The following SEMA3E variants were observed in gnomAD, a reference collection of about 807,000 sequenced individuals.
SEMA3E encodes semaphorin 3E.
A neutral mutation model predicts 93.6 loss-of-function variants in SEMA3E; 49 were observed. The ratio of observed to expected loss-of-function variants is 0.52; its 90% CI spans 0.42 to 0.66. The LOEUF (loss-of-function observed/expected upper bound fraction) is 0.66, where lower values mean the gene tolerates loss of function less well. SEMA3E is among the 30% of genes least tolerant of loss of function. The pLI, the probability that SEMA3E is intolerant of heterozygous loss-of-function variation, is 0.00. For synonymous variants in SEMA3E, 363 were observed against 330.7 expected, an observed-to-expected ratio of 1.10 and a Z score of -1.06; for missense variants, 906 against 964.8, an observed-to-expected ratio of 0.94 and a Z score of 0.81.
At chr7:83,413,126 CT>C (rs572271089) in intron 5 of SEMA3E, among the ~76,000 whole-genome samples, 1 of 151,850 alleles carries the variant, frequency 6.6e-6, no homozygotes, top group Admixed American at 6.6e-5. Flanking sequence ...TATATAACTC[CT>C]TTTTTTTACA....
rs1476133866 is a variant in SEMA3E at position 83,394,352 on chromosome 7, A to C, written c.1459-14T>G. The C allele has an allele frequency of 6.2e-7, 1 of 1,609,498 alleles. No homozygotes were observed. Among genetic ancestry groups the C allele is most frequent in the African/African-American group, 1.3e-5 (1 of 74,936 alleles). The stretch of plus-strand genomic sequence containing the variant: ...AGGAACTGGATCCTGAAATTTTAAA[A>C]AAGTTTTCATTTTTAAGAAAACAGT... On this transcript the variant is annotated splice_polypyrimidine_tract_variant and intron_variant, in intron 12 of 16. Transcript: ENST00000643230.
Position 83,648,589 on chromosome 7 carries a change from G to T in SEMA3E, c.-47C>A. On this transcript the variant is annotated 5_prime_UTR_variant, in exon 1 of 17. Transcript: ENST00000643230. ...GCCCTCGCTCCTCACTTTAAGGAGG[G>T]TCTGAGTTTTACTTAGGACTTCCCT... 4.1e-6 allele frequency: 6 copies of T among 1,450,816 alleles called. No homozygotes were observed. The highest frequency in any genetic ancestry group is 2.3e-5 in the East Asian group (1 of 43,628). 89.9% of individuals were successfully genotyped at this position (1,450,816 alleles called of 1,614,324 possible).
intron 7 of SEMA3E, 89 bp downstream of exon 7, chr7:83,407,008 T>C (rs1327722999): frequency 1.3e-6 from 2 of 1,485,864 alleles, no homozygotes; most frequent in Non-Finnish European, 1.9e-6. Flanking sequence ...TACTAGAAAA[T>C]ATTTAAAAGT....
intron 1 of SEMA3E, among the ~76,000 whole-genome samples, chr7:83,625,856 T>C (rs1793659391): frequency 6.6e-6 from 1 of 152,112 alleles, no homozygotes; most frequent in African/African-American, 2.4e-5. Context: ...CATAAACAGC[T>C]CTTATTATTT....
intron 1 of SEMA3E, among the ~76,000 whole-genome samples, chr7:83,527,183 G>T (rs555451019): frequency 9.5e-5 from 10 of 105,350 alleles, no homozygotes; most frequent in Admixed American, 3.9e-4. Flanking sequence ...GCTAAGAAGT[G>T]GGGGGGAAAA....
intron 4 of SEMA3E, among the ~76,000 whole-genome samples, chr7:83,451,328 AC>A (rs1789354156): frequency 3.3e-5 from 5 of 152,256 alleles, no homozygotes; most frequent in Admixed American, 3.3e-4. Context: ...AACCAACTTA[AC>A]CAAAAAAGTG....
intron 1 of SEMA3E, among the ~76,000 whole-genome samples, chr7:83,581,164 G>A (rs1325013519): frequency 2.0e-5 from 3 of 151,904 alleles, no homozygotes; most frequent in African/African-American, 2.4e-5. Flanking sequence ...ATCTGTCTAG[G>A]GATACATATC....
intron 1 of SEMA3E, among the ~76,000 whole-genome samples, chr7:83,609,932 A>C (rs2115577413): frequency 6.6e-6 from 1 of 152,114 alleles, no homozygotes; most frequent in South Asian, 2.1e-4. Flanking sequence ...AGGATTTCTA[A>C]AAAGCCAAAG....
intron 4 of SEMA3E, among the ~76,000 whole-genome samples, chr7:83,431,703 C>A (rs930178937): frequency 6.6e-6 from 1 of 152,168 alleles, no homozygotes; most frequent in African/African-American, 2.4e-5. Context: ...AGTCATTGTA[C>A]CCAGCCCAAG....
intron 2 of SEMA3E, among the ~76,000 whole-genome samples, chr7:83,480,773 A>G (rs1230750186): frequency 1.3e-5 from 2 of 152,182 alleles, no homozygotes; most frequent in Admixed American, 6.5e-5. Context: ...ATAACTATGC[A>G]TTATGTAGAA....
intron 2 of SEMA3E, among the ~76,000 whole-genome samples, chr7:83,485,123 G>T (rs370354586): frequency 2.6e-5 from 4 of 152,236 alleles, no homozygotes; most frequent in African/African-American, 7.2e-5. Context: ...CTCAGAAGAA[G>T]TTTACTAAAA....
intron 4 of SEMA3E, among the ~76,000 whole-genome samples, chr7:83,460,267 G>T (rs1789582898): frequency 6.6e-6 from 1 of 152,076 alleles, no homozygotes; most frequent in African/African-American, 2.4e-5. Context: ...TTTAAATCAG[G>T]TAAGCAGCCT....
chr7:83,412,280 C>G (rs1460976493), intron 5 of SEMA3E, among the ~76,000 whole-genome samples: 2 of 152,080 alleles, frequency 1.3e-5, no homozygotes, highest in Non-Finnish European at 2.9e-5. Context: ...GCTCATCCAA[C>G]TATATTTTTA....
chr7:83,504,795 A>T (rs1790661427), intron 1 of SEMA3E, among the ~76,000 whole-genome samples: 1 of 152,128 alleles, frequency 6.6e-6, no homozygotes, highest in African/African-American at 2.4e-5. Flanking sequence ...AGGGAGGGCA[A>T]CTCACATTCA....
rs1342912991 is a variant in SEMA3E, at chr7:83,402,647, A to T, written c.1128T>A (p.Tyr376Ter). 1.9e-6 allele frequency: 3 copies of T among 1,612,498 alleles called. No homozygotes were observed. The Admixed American group carries it at 5.0e-5, about 27-fold the overall frequency. The change falls in exon 10 of 17, where the codon TAT becomes TAA. Residue 376 changes from tyrosine (Y) to a stop codon, truncating the protein, a stop_gained. Coordinates refer to ENST00000643230, the MANE Select transcript of SEMA3E (RefSeq NM_012431.3). LOFTEE classifies it high-confidence loss of function. ...HWSVYEGKVP[Y>*]PRPGSCASKV... ...CTAAACTTACAGAACCAGGCCTTGG[A>T]TAAGGGACTTTTCCTTCATAGACTG...
intron 1 of SEMA3E, among the ~76,000 whole-genome samples, chr7:83,617,005 G>C (rs1370452193): frequency 6.6e-6 from 1 of 152,044 alleles, no homozygotes; most frequent in Non-Finnish European, 1.5e-5. Context: ...GATTACAGGC[G>C]TAAGCCACCG....
At chr7:83,644,985 C>T (rs1276707330) in intron 1 of SEMA3E, among the ~76,000 whole-genome samples, 1 of 151,994 alleles carries the variant, frequency 6.6e-6, no homozygotes, top group Non-Finnish European at 1.5e-5. Flanking sequence ...ACACCTACCC[C>T]TGTCTGCCAA....
chr7:83,405,486 T>C lies in SEMA3E; in HGVS notation c.962A>G (p.Lys321Arg). The change falls in exon 9 of 17, where the codon AAG (lysine) becomes AGG (arginine). Residue 321 changes from lysine (K) to arginine (R), a missense_variant. Lys to Arg is a conservative substitution (Grantham distance 26, BLOSUM62 2). Transcript: ENST00000643230. ...AAAGAGTCCAAATATCACTGGATTC[T>C]TATGATCTCTGGTAGGTAGCAAAAA... ...DVFLLPTRDH[K>R]NPVIFGLFNT... 1.2e-6 allele frequency: 2 copies of C among 1,613,098 alleles called. No individual in the cohort carries two copies. Among genetic ancestry groups the C allele is most frequent in the African/African-American group, 2.7e-5 (2 of 75,004 alleles).
intron 1 of SEMA3E, among the ~76,000 whole-genome samples, chr7:83,634,256 C>T (rs987711694): frequency 6.6e-5 from 10 of 152,130 alleles, no homozygotes; most frequent in African/African-American, 2.4e-4. Context: ...CTATAGAAGG[C>T]ATCTAACGTG....
Sources: gnomAD v4.1 joint callset for allele counts (sites outside exome capture counted in the v4.1 genomes callset) on GRCh38, gnomAD v4.1.1 for gene constraint, MANE v1.5 for transcripts, NCBI Gene and HGNC (gene_info 2026-07-23, HGNC 2026-07-21) for gene names.